The following USP43 variants were observed in gnomAD, a reference collection of about 807,000 sequenced individuals.
USP43 encodes the protein ubiquitin carboxyl-terminal hydrolase 43.
In USP43, 33 loss-of-function variants were observed where a neutral mutation model predicts 90.7. That is an observed-to-expected ratio of 0.36 (90% CI 0.28 to 0.49). USP43 has a LOEUF of 0.49. USP43 is among the 20% of genes least tolerant of loss of function. The probability of loss-of-function intolerance (pLI) is 0.98; values close to 1 mark genes in which losing one functional copy is unlikely to be tolerated. For synonymous variants in USP43, 598 were observed against 615.8 expected (o/e 0.97, Z 0.43); for missense variants, 1,274 against 1,476.4 (o/e 0.86, Z 2.25).
intron 2 of USP43, among the ~76,000 whole-genome samples, chr17:9,665,926 G>C (rs762265650): frequency 3.4e-4 from 52 of 152,310 alleles, no homozygotes; most frequent in Admixed American, 1.6e-3. Context: ...CTCATCTAGA[G>C]CCTCCGGAGG....
At position 9,715,136 on chromosome 17, in the gene USP43, G is replaced by A. The variant is rs1214718300; in HGVS notation, c.2335+3004G>A. On this transcript the variant is annotated intron_variant, in intron 14 of 14. Coordinates refer to ENST00000285199, the MANE Select transcript of USP43 (RefSeq NM_153210.5). ...GGTCTACAGGGAGATGTTGATGACA[G>A]TGCTGGGAACAAGGGGGTAACCACA... 2.0e-5 allele frequency among the ~76,000 whole-genome samples: 3 copies of A among 152,238 alleles called. No homozygotes were observed. In the South Asian group the frequency reaches 6.2e-4, roughly 31 times the overall value.
chr17:9,648,535 T>A (rs997163315), intron 1 of USP43, among the ~76,000 whole-genome samples: 3 of 152,116 alleles, frequency 2.0e-5, no homozygotes, highest in Non-Finnish European at 2.9e-5. Flanking sequence ...GCTATGACAG[T>A]TACAGCAGGA....
intron 8 of USP43, among the ~76,000 whole-genome samples, chr17:9,692,042 G>GA (rs1032414431): frequency 9.4e-5 from 13 of 138,362 alleles, no homozygotes; most frequent in South Asian, 2.3e-4. Context: ...ACTCCATCTC[G>GA]AAAAAAAAAG....
chr17:9,677,926 A>G (rs889794839), intron 5 of USP43, among the ~76,000 whole-genome samples: 1 of 152,106 alleles, frequency 6.6e-6, no homozygotes, highest in Non-Finnish European at 1.5e-5. Context: ...GCCCCTGCCC[A>G]ATCAATCCCT....
chr17:9,712,140 G>C lies in USP43; in HGVS notation c.2335+8G>C. On this transcript the variant is annotated splice_region_variant and intron_variant, in intron 14 of 14. Coordinates refer to ENST00000285199, the MANE Select transcript of USP43 (RefSeq NM_153210.5). The stretch of plus-strand genomic sequence containing the variant: ...TCTGCAATCAGGAAAAGGGTATGTT[G>C]GTTAAATGTGCTTGGTTGATTTTCA... 1 of 1,551,602 alleles carries C rather than the reference G, an allele frequency of 6.4e-7. No individual in the cohort carries two copies. Among genetic ancestry groups the C allele is most frequent in the Non-Finnish European group, 8.7e-7 (1 of 1,145,596 alleles).
Position 9,676,857 on chromosome 17 carries a change from G to T in USP43, c.945G>T (p.Glu315Asp). The change falls in exon 5 of 15, where the codon GAG becomes GAT. Residue 315 changes from glutamate to aspartate, a missense_variant. By Grantham distance (45) the Glu-to-Asp change is conservative. Around this residue, in one of 6 missense-constraint regions of USP43, gnomAD observed 259 missense variants for 373.7 expected, o/e 0.69. Coordinates refer to ENST00000285199, the MANE Select transcript of USP43 (RefSeq NM_153210.5). ...TVAALRKMVA[E>D]EGGVPADEVI... is the part of the protein sequence containing the mutation. ...CAGCCCTGAGGAAGATGGTTGCAGA[G>T]GAAGGAGGCGTCCCTGCAGATGAGG... 2 of 1,613,966 alleles carry T rather than the reference G, an allele frequency of 1.2e-6. No homozygotes were observed. Among genetic ancestry groups the T allele is most frequent in the Non-Finnish European group, 1.7e-6 (2 of 1,179,870 alleles).
chr17:9,670,776 G>T (rs1913364977), intron 3 of USP43, among the ~76,000 whole-genome samples: 1 of 152,272 alleles, frequency 6.6e-6, no homozygotes, highest in African/African-American at 2.4e-5. Flanking sequence ...TGCCCTTTGG[G>T]TATTTTTTCC....
At chr17:9,653,446 GGT>G (rs1348058569) in intron 1 of USP43, among the ~76,000 whole-genome samples, 2 of 152,170 alleles carry the variant, frequency 1.3e-5, no homozygotes, top group African/African-American at 4.8e-5. Flanking sequence ...AAATTAGCCA[GGT>G]GTGGTGGCAG....
Position 9,728,296 on chromosome 17 carries a change from C to G in USP43, c.2678C>G (p.Pro893Arg). Residue 893 changes from proline to arginine, a missense_variant, in exon 15 of 15, where the codon CCC becomes CGC. Around this residue, in one of 6 missense-constraint regions of USP43, gnomAD observed 353 missense variants for 329.7 expected, o/e 1.07. Coordinates refer to ENST00000285199, the MANE Select transcript of USP43 (RefSeq NM_153210.5). The surrounding 1 kb of genome is among the most constrained non-coding windows in gnomAD (Gnocchi z 6.2). The stretch of plus-strand genomic sequence containing the variant: ...AGAGGTCCAGCCGGGGTGCCCTGTC[C>G]CTCGGCTCAACCCAACCACTGTCTG... The part of the protein sequence containing the change: ...IERGPAGVPC[P>R]SAQPNHCLAP... The G allele has an allele frequency of 1.2e-6, 2 of 1,613,072 alleles. No homozygotes were observed. The highest frequency in any genetic ancestry group is 2.2e-5 in the South Asian group (2 of 90,884).
intron 9 of USP43, among the ~76,000 whole-genome samples, chr17:9,696,358 T>C (rs960836932): frequency 6.6e-6 from 1 of 152,148 alleles, no homozygotes; most frequent in Non-Finnish European, 1.5e-5. Flanking sequence ...GGTTGTGAAC[T>C]CCTGAGCTCA....
chr17:9,684,455 C>T (rs1476142889), intron 7 of USP43, among the ~76,000 whole-genome samples: 2 of 152,082 alleles, frequency 1.3e-5, no homozygotes, highest in Admixed American at 6.5e-5. Flanking sequence ...AGAAGAAATA[C>T]AAGCATAGGT....
In USP43 at chr17:9,686,890, A is replaced by G. The variant is rs994510253; in HGVS notation, c.1334A>G (p.Lys445Arg). 6.2e-6 allele frequency: 10 copies of G among 1,613,582 alleles called. No homozygotes were observed. Among genetic ancestry groups the G allele is most frequent in the Non-Finnish European group, 8.5e-6 (10 of 1,179,862 alleles). ...SILSKVRHLM[K>R]SEAPVQNLGS... ...CTCAGCAAGGTCCGCCATCTTATGA[A>G]GAGTGAGGCCCCTGTACAGGTCAGT... The change falls in exon 8 of 15, where the codon AAG becomes AGG. Residue 445 changes from lysine to arginine, a missense_variant. This residue lies in a region of USP43 where 253 missense variants were observed against 276.0 expected (regional missense o/e 0.92). Transcript: ENST00000285199. This position sits in a 1 kb window ranked among gnomAD's most constrained non-coding sequence, Gnocchi z 5.5.
Position 9,701,629 on chromosome 17 carries a change from C to G in USP43, c.1940C>G (p.Pro647Arg). Residue 647 changes from proline to arginine, a missense_variant, in exon 12 of 15, where the codon CCG (proline) becomes CGG (arginine). This residue lies in a region of USP43 where 285 missense variants were observed against 349.6 expected (regional missense o/e 0.82). Transcript: ENST00000285199. This position sits in a 1 kb window ranked among gnomAD's most constrained non-coding sequence, Gnocchi z 7.2. ...KQPDCLPTSY[P>R]LDFLYDLYAV... Reference sequence around the variant, plus strand: ...CCGGACTGCCTGCCCACCAGTTACCCGCTGGACTTCCTGTACGACCTGTAT... The same window carrying G: ...CCGGACTGCCTGCCCACCAGTTACCGGCTGGACTTCCTGTACGACCTGTAT... 1.9e-6 allele frequency: 3 copies of G among 1,590,148 alleles called. No homozygotes were observed. The highest frequency in any genetic ancestry group is 2.6e-6 in the Non-Finnish European group (3 of 1,169,090).
intron 8 of USP43, among the ~76,000 whole-genome samples, chr17:9,689,492 G>A (rs1914800850): frequency 6.6e-6 from 1 of 151,718 alleles, no homozygotes; most frequent in Non-Finnish European, 1.5e-5. Context: ...GCTCACTGCA[G>A]CCTTGAACTC....
intron 12 of USP43, among the ~76,000 whole-genome samples, chr17:9,702,634 G>T (rs1348125604): frequency 6.6e-6 from 1 of 152,144 alleles, no homozygotes; most frequent in East Asian, 1.9e-4. Context: ...TTCAGAGAGT[G>T]TCATGAGGGA....
chr17:9,672,722 G>C (rs928904665), intron 3 of USP43, among the ~76,000 whole-genome samples: 3 of 152,170 alleles, frequency 2.0e-5, no homozygotes, highest in Non-Finnish European at 4.4e-5. Flanking sequence ...ACACTACCAT[G>C]GGTCTCCCAA....
chr17:9,727,713 TAGA>T (rs1188237524), intron 14 of USP43, among the ~76,000 whole-genome samples: 2 of 152,188 alleles, frequency 1.3e-5, no homozygotes, highest in Non-Finnish European at 2.9e-5. Flanking sequence ...GCCCGGCATG[TAGA>T]TACCTTCTTT....
At chr17:9,656,354 G>C (rs1276818548) in intron 1 of USP43, 49 bp from the exon 2 acceptor site, 1 of 1,588,896 alleles carries the variant, frequency 6.3e-7, no homozygotes, top group South Asian at 1.2e-5. Context: ...CCTTCATTTG[G>C]TTGTATAAGG....
intron 8 of USP43, among the ~76,000 whole-genome samples, 190 bp from the exon 9 acceptor site, chr17:9,692,937 A>G (rs961906716): frequency 6.6e-6 from 1 of 152,234 alleles, no homozygotes; most frequent in Non-Finnish European, 1.5e-5. Flanking sequence ...ACTGCATTAC[A>G]GGGTATAGTG....
Sources: allele counts gnomAD v4.1 joint callset (sites outside exome capture counted in the v4.1 genomes callset), GRCh38; gene constraint gnomAD v4.1.1; regional missense constraint gnomAD v4.1.1; non-coding constraint Gnocchi (gnomAD v3.1); transcripts MANE v1.5; gene names NCBI Gene and HGNC (gene_info 2026-07-23, HGNC 2026-07-21).